The following TXNDC12 variants were observed in gnomAD, a reference collection of about 807,000 sequenced individuals.
The protein encoded by TXNDC12 is thioredoxin domain containing 12, also known as thioredoxin domain-containing protein 12.
TXNDC12 carries 22 observed loss-of-function variants against 24.2 expected under a neutral mutation model. The observed-to-expected ratio is 0.91, with a 90% CI of 0.65 to 1.30. The LOEUF is 1.30. Among genes scored for constraint, TXNDC12 ranks in the 50% most tolerant of loss-of-function variants. The pLI, the probability that TXNDC12 is intolerant of heterozygous loss-of-function variation, is 0.00. For synonymous variants in TXNDC12, 58 were observed against 73.4 expected (o/e 0.79, Z 1.07); for missense variants, 184 against 205.8 (o/e 0.89, Z 0.65).
At position 52,020,339 on chromosome 1, in the gene TXNDC12, C is replaced by T. The variant is rs1174714650; in HGVS notation, c.*594G>A. ...AGCCAGTCCTGCACACGCATGCGTG[C>T]AAACAGGGAAGCTCAAGCATGAGAA... On this transcript the variant is annotated 3_prime_UTR_variant, in exon 7 of 7. Transcript: ENST00000371626. 1 of 412,462 alleles carries T rather than the reference C, an allele frequency of 2.4e-6. No homozygotes were observed. Among genetic ancestry groups the T allele is most frequent in the Non-Finnish European group, 4.8e-6 (1 of 209,826 alleles). The allele number at this position is 412,462 out of a possible 1,614,324, so 25.6% of individuals were successfully genotyped here.
At chr1:52,037,542 T>C (rs1360848804) in intron 2 of TXNDC12, among the ~76,000 whole-genome samples, 3 of 152,170 alleles carry the variant, frequency 2.0e-5, no homozygotes, top group African/African-American at 4.8e-5. Context: ...CCTTTGGTGC[T>C]GAACTCATGG....
chr1:52,034,099 T>C lies in TXNDC12; in HGVS notation c.159-5469A>G, dbSNP rs931734381. 1.8e-5 allele frequency: 22 copies of C among 1,235,146 alleles called. 1 individual carries two copies. The South Asian group carries it at 7.2e-4, about 40-fold the overall frequency. The allele number at this position is 1,235,146 out of a possible 1,614,324, so 76.5% of individuals were successfully genotyped here. On this transcript the variant is annotated intron_variant, in intron 2 of 6. Coordinates refer to ENST00000371626, the MANE Select transcript of TXNDC12 (RefSeq NM_015913.4). ...AGCAATCAGCACTATATTTAGCATATAGAAGGCAATTAATAAATGCTGGTT... is the reference window on the plus strand; with the variant it reads ...AGCAATCAGCACTATATTTAGCATACAGAAGGCAATTAATAAATGCTGGTT...
At chr1:52,056,002 T>G (rs572091373), upstream of TXNDC12, 1 of 152,318 alleles carries the variant, frequency 6.6e-6, no homozygotes, top group African/African-American at 2.4e-5. Context: ...AGTCCGTACT[T>G]AATGCATAGC....
At chr1:52,033,840 C>A in intron 2 of TXNDC12, 1 of 1,463,388 alleles carries the variant, frequency 6.8e-7, no homozygotes, top group Non-Finnish European at 9.0e-7. Context: ...GCCGGAAGTG[C>A]AAACTGCTCT....
At chr1:52,032,669 GCCATGGCTT>G (rs1420128295) in intron 2 of TXNDC12, 1 of 1,556,922 alleles carries the variant, frequency 6.4e-7, no homozygotes, top group African/African-American at 1.4e-5. Context: ...GAGATCAGAA[GCCATGGCTT>G]CCCCCCTACC....
chr1:52,032,513 C>A, intron 2 of TXNDC12: 1 of 1,368,426 alleles, frequency 7.3e-7, no homozygotes, highest in East Asian at 2.7e-5. Context: ...TCTCTTTAGT[C>A]TGAACTTATG....
chr1:52,020,925 C>T lies in TXNDC12; in HGVS notation c.*8G>A. On this transcript the variant is annotated 3_prime_UTR_variant, in exon 7 of 7. Coordinates refer to ENST00000371626, the MANE Select transcript of TXNDC12 (RefSeq NM_015913.4). Reference sequence around the variant, plus strand: ...ACTAACTCTGATGAAAGAAGGGGCACATTCATGTTACAATTCATCTTCAAG... The same window carrying T: ...ACTAACTCTGATGAAAGAAGGGGCATATTCATGTTACAATTCATCTTCAAG... 1 of 1,610,118 alleles carries T rather than the reference C, an allele frequency of 6.2e-7. No individual in the cohort carries two copies. The highest frequency in any genetic ancestry group is 8.5e-7 in the Non-Finnish European group (1 of 1,176,380).
chr1:52,053,589 A>G (rs2124398517), intron 1 of TXNDC12, among the ~76,000 whole-genome samples: 1 of 152,138 alleles, frequency 6.6e-6, no homozygotes, highest in South Asian at 2.1e-4. Flanking sequence ...GCTTGAACCC[A>G]GGAGGCGGAG....
chr1:52,040,212 C>T (rs751573984), intron 2 of TXNDC12, among the ~76,000 whole-genome samples: 4 of 152,054 alleles, frequency 2.6e-5, no homozygotes, highest in African/African-American at 7.2e-5. Flanking sequence ...AGATTACAAG[C>T]GTGAGCCACC....
At chr1:52,021,492 G>A (rs748109120) in intron 6 of TXNDC12, among the ~76,000 whole-genome samples, 53 of 148,752 alleles carry the variant, frequency 3.6e-4, no homozygotes, top group Non-Finnish European at 6.1e-4. Flanking sequence ...TGGGGCGGGG[G>A]TGTCTCTACT....
intron 4 of TXNDC12, 22 bp from the exon 5 acceptor site, chr1:52,024,601 CT>C: frequency 6.3e-7 from 1 of 1,582,926 alleles, no homozygotes; most frequent in African/African-American, 1.4e-5. Context: ...AAATGTAAAC[CT>C]TAAGTCAGAT....
At chr1:52,023,367 A>C in intron 6 of TXNDC12, 124 bp downstream of exon 6, 1 of 733,286 alleles carries the variant, frequency 1.4e-6, no homozygotes, top group Non-Finnish European at 2.3e-6. Flanking sequence ...TCTGGCCAAA[A>C]GCTATAGACA....
intron 2 of TXNDC12, among the ~76,000 whole-genome samples, chr1:52,038,504 G>T (rs12406969): frequency 0.055 from 8,339 of 152,026 alleles, 240 homozygotes; most frequent in South Asian, 0.065. Flanking sequence ...TAGAGACGGG[G>T]TTTCACCATG....
At chr1:52,027,244 T>C (rs1195167960) in intron 4 of TXNDC12, 31 bp downstream of exon 4, 4 of 1,521,372 alleles carry the variant, frequency 2.6e-6, no homozygotes, top group African/African-American at 1.4e-5. Flanking sequence ...CTTAAAATCA[T>C]AGCAGAAAGG....
At chr1:52,039,010 C>T (rs1292778203) in intron 2 of TXNDC12, among the ~76,000 whole-genome samples, 7 of 126,850 alleles carry the variant, frequency 5.5e-5, no homozygotes, top group African/African-American at 1.8e-4. Context: ...TGGTCTCAAT[C>T]TACTGGGCTC....
chr1:52,032,248 C>G (rs765906736), intron 2 of TXNDC12: 1 of 988,122 alleles, frequency 1.0e-6, no homozygotes. Flanking sequence ...AAAGTCAGTA[C>G]AGTACTCAAA....
intron 2 of TXNDC12, among the ~76,000 whole-genome samples, chr1:52,039,108 A>AT (rs1553236085): frequency 1.3e-5 from 2 of 148,746 alleles, no homozygotes; most frequent in East Asian, 4.0e-4. Context: ...AAAAAAAAAA[A>AT]GGGTTCATTT....
chr1:52,033,819 C>A, intron 2 of TXNDC12: 1 of 1,487,660 alleles, frequency 6.7e-7, no homozygotes, highest in South Asian at 1.3e-5. Context: ...TTGTACGCGT[C>A]TCCGACGTAA....
At chr1:52,049,924 T>C (rs1397534774) in intron 1 of TXNDC12, among the ~76,000 whole-genome samples, 1 of 152,236 alleles carries the variant, frequency 6.6e-6, no homozygotes, top group African/African-American at 2.4e-5. Context: ...GGTACTTAAA[T>C]GCTTTTATAT....
Sources: allele counts gnomAD v4.1 joint callset (sites outside exome capture counted in the v4.1 genomes callset), GRCh38; gene constraint gnomAD v4.1.1; transcripts MANE v1.5; gene names NCBI Gene and HGNC (gene_info 2026-07-23, HGNC 2026-07-21).